The following BNC2 variants were observed in gnomAD, a reference collection of about 807,000 sequenced individuals.
The protein encoded by BNC2 is basonuclin zinc finger protein 2.
BNC2 carries 20 observed loss-of-function variants against 76.3 expected under a neutral mutation model. The ratio of observed to expected loss-of-function variants is 0.26; its 90% CI spans 0.18 to 0.38. BNC2 has a LOEUF of 0.38. Ranked by LOEUF, BNC2 falls within the 10% of genes least tolerant of loss-of-function variation. The pLI is 1.00. For synonymous variants in BNC2, 582 were observed against 514.8 expected, an observed-to-expected ratio of 1.13 and a Z score of -1.77; for missense variants, 1,382 against 1,399.8, an observed-to-expected ratio of 0.99 and a Z score of 0.20.
chr9:16,800,804 T>C (rs1319111898), intron 1 of BNC2, among the ~76,000 whole-genome samples: 3 of 152,164 alleles, frequency 2.0e-5, no homozygotes, highest in African/African-American at 7.2e-5. Context: ...TTTTCAACAG[T>C]TTTTAAAAAC....
intron 5 of BNC2, among the ~76,000 whole-genome samples, chr9:16,469,605 C>T (rs937701737): frequency 2.0e-5 from 3 of 152,100 alleles, no homozygotes; most frequent in Non-Finnish European, 2.9e-5. Flanking sequence ...TAGAGTGGGG[C>T]GTTGCTGAAA....
intron 5 of BNC2, among the ~76,000 whole-genome samples, chr9:16,510,672 T>C (rs7863830): frequency 0.11 from 17,010 of 152,220 alleles, 1,285 homozygotes; most frequent in East Asian, 0.31. Context: ...TTCCTCAAAC[T>C]ATGGCACATG....
intron 5 of BNC2, among the ~76,000 whole-genome samples, chr9:16,525,924 TTTTAAC>T (rs1818284608): frequency 6.6e-6 from 1 of 152,194 alleles, no homozygotes; most frequent in South Asian, 2.1e-4. Context: ...TTAGAATACA[TTTTAAC>T]TTTAAAAGTG....
chr9:16,549,086 C>G (rs751195841), intron 5 of BNC2, among the ~76,000 whole-genome samples: 1 of 152,222 alleles, frequency 6.6e-6, no homozygotes, highest in Non-Finnish European at 1.5e-5. Flanking sequence ...CCTCTTAAAC[C>G]ACATACTTTT....
At chr9:16,680,603 G>A (rs1009551220) in intron 3 of BNC2, among the ~76,000 whole-genome samples, 9 of 151,438 alleles carry the variant, frequency 5.9e-5, no homozygotes, top group Non-Finnish European at 1.2e-4. Flanking sequence ...ATCTTATTCA[G>A]GGAATAAGGG....
chr9:16,695,293 C>A (rs920075980), intron 3 of BNC2, among the ~76,000 whole-genome samples: 5 of 152,036 alleles, frequency 3.3e-5, no homozygotes, highest in Admixed American at 3.3e-4. Flanking sequence ...ATACCATTTT[C>A]TTTTTCTTTA....
At chr9:16,565,314 A>C (rs2132739420) in intron 4 of BNC2, among the ~76,000 whole-genome samples, 1 of 152,286 alleles carries the variant, frequency 6.6e-6, no homozygotes, top group South Asian at 2.1e-4. Flanking sequence ...TTTACTTTCC[A>C]GTCTAGTAAC....
At chr9:16,823,649 A>C (rs966418142) in intron 1 of BNC2, among the ~76,000 whole-genome samples, 1 of 152,082 alleles carries the variant, frequency 6.6e-6, no homozygotes, top group African/African-American at 2.4e-5. Flanking sequence ...CTTAACAAAA[A>C]CAATTTAAAA....
chr9:16,728,081 C>G, intron 2 of BNC2, 84 bp from the exon 3 acceptor site: 1 of 1,063,476 alleles, frequency 9.4e-7, no homozygotes, highest in Non-Finnish European at 1.4e-6. Context: ...CTGAACTGTG[C>G]ATTTCATTTG....
chr9:16,488,048 T>G (rs1483543513), intron 5 of BNC2, among the ~76,000 whole-genome samples: 1 of 119,536 alleles, frequency 8.4e-6, no homozygotes, highest in Non-Finnish European at 2.0e-5. Context: ...TGGAGCTCTT[T>G]GCTTTATCTT....
At chr9:16,433,376 C>T (rs1450471182) in intron 6 of BNC2, among the ~76,000 whole-genome samples, 1 of 152,098 alleles carries the variant, frequency 6.6e-6, no homozygotes, top group Non-Finnish European at 1.5e-5. Flanking sequence ...GTGATTTCAG[C>T]CAAATGAAAT....
intron 1 of BNC2, among the ~76,000 whole-genome samples, chr9:16,836,002 C>T (rs771434939): frequency 6.6e-6 from 1 of 152,218 alleles, no homozygotes; most frequent in Non-Finnish European, 1.5e-5. Flanking sequence ...TTTCACCCCA[C>T]TCAGCAGGCT....
intron 4 of BNC2, among the ~76,000 whole-genome samples, chr9:16,567,239 A>G (rs1028982357): frequency 6.6e-6 from 1 of 152,246 alleles, no homozygotes; most frequent in Non-Finnish European, 1.5e-5. Flanking sequence ...ACAACAGCTG[A>G]GATTTCTGTG....
In BNC2 at chr9:16,419,544, T is replaced by C; in HGVS notation, c.2745A>G (p.Glu915=). ...GGGCACCATATATCTTCACCAAAAA[T>C]TCATCGCGGAGGTCCTTGCTAAGGG... ...QPSLSKDLRD[E]FLVKIYGAQH... The change falls in exon 7 of 7, where the codon GAA becomes GAG. Residue 915 remains glutamate, a synonymous_variant. Transcript: ENST00000380672. The C allele has an allele frequency of 1.9e-6, 3 of 1,613,954 alleles. No homozygotes were observed. Among genetic ancestry groups the C allele is most frequent in the Non-Finnish European group, 2.5e-6 (3 of 1,179,994 alleles).
intron 5 of BNC2, among the ~76,000 whole-genome samples, chr9:16,460,227 G>A (rs1265122921): frequency 1.3e-5 from 2 of 151,868 alleles, no homozygotes; most frequent in Non-Finnish European, 2.9e-5. Flanking sequence ...CAAAGCACTG[G>A]CCATCAGGAA....
At chr9:16,857,421 G>A (rs1450401747) in intron 1 of BNC2, among the ~76,000 whole-genome samples, 3 of 145,712 alleles carry the variant, frequency 2.1e-5, no homozygotes, top group African/African-American at 7.6e-5. Context: ...AGGTTGCAGT[G>A]AGCCGACATT....
At chr9:16,785,737 T>C (rs1586882692) in intron 1 of BNC2, among the ~76,000 whole-genome samples, 1 of 151,534 alleles carries the variant, frequency 6.6e-6, no homozygotes, top group East Asian at 1.9e-4. Flanking sequence ...GCATCCATTC[T>C]TGAGTAAATC....
intron 5 of BNC2, among the ~76,000 whole-genome samples, chr9:16,522,647 C>T (rs1191143118): frequency 1.3e-5 from 2 of 152,104 alleles, no homozygotes; most frequent in East Asian, 1.9e-4. Context: ...AGGTTTGAAG[C>T]TTTTTAAAAG....
intron 5 of BNC2, among the ~76,000 whole-genome samples, chr9:16,442,010 T>C (rs909994108): frequency 1.3e-5 from 2 of 152,204 alleles, no homozygotes; most frequent in Non-Finnish European, 2.9e-5. Context: ...TCAGAGTACA[T>C]AACTGAACTC....
Sources: gnomAD v4.1 joint callset for allele counts (sites outside exome capture counted in the v4.1 genomes callset) on GRCh38, gnomAD v4.1.1 for gene constraint, MANE v1.5 for transcripts, NCBI Gene and HGNC (gene_info 2026-07-23, HGNC 2026-07-21) for gene names.